The following ATL1 variants were observed in gnomAD, a reference collection of about 807,000 sequenced individuals.
The protein encoded by ATL1 is atlastin-1.
ATL1 carries 31 observed loss-of-function variants against 75.5 expected under a neutral mutation model. The ratio of observed to expected loss-of-function variants is 0.41; its 90% CI spans 0.31 to 0.55. ATL1 has a LOEUF of 0.55. ATL1 is among the 20% of genes least tolerant of loss of function. The pLI is 0.27. For missense variants in ATL1, 405 were observed against 662.6 expected (o/e 0.61, Z 4.27); for synonymous variants, 226 against 233.3 (o/e 0.97, Z 0.28).
At chr14:50,556,921 C>A (rs879761545), upstream of ATL1, among the ~76,000 whole-genome samples, 39 of 152,060 alleles carry the variant, frequency 2.6e-4, no homozygotes, top group Non-Finnish European at 5.1e-4. Context: ...TTGTTTCCAC[C>A]TTTTGGCTAT....
chr14:50,617,871 C>G (rs2039429684), intron 8 of ATL1, among the ~76,000 whole-genome samples: 1 of 152,184 alleles, frequency 6.6e-6, no homozygotes, highest in Non-Finnish European at 1.5e-5. Context: ...CAAGAGCTCA[C>G]CACCTACGTA....
chr14:50,552,266 C>CA (rs35523342), intron 1 of ATL1, among the ~76,000 whole-genome samples: 30,647 of 150,320 alleles, frequency 0.2, 3,844 homozygotes, highest in Middle Eastern at 0.29. Flanking sequence ...ACAACAGCTG[C>CA]AAAAAAAAAT....
In ATL1 at chr14:50,546,268, C is replaced by A. The variant is rs547520697; in HGVS notation, c.-140+12901C>A. 2.0e-3 allele frequency among the ~76,000 whole-genome samples: 302 copies of A among 152,270 alleles called. 2 individuals carry two copies. Among genetic ancestry groups the A allele is most frequent in the African/African-American group, 7.0e-3 (291 of 41,544 alleles). ...AAAGTTTAGCCATATGAAGGGGTCC[C>A]AATTTTGTCAAAAATGATATGGATC... On this transcript the variant is annotated intron_variant, in intron 1 of 13. Transcript: ENST00000441560.
At chr14:50,556,464 C>CA (rs1431438629), upstream of ATL1, among the ~76,000 whole-genome samples, 1 of 152,146 alleles carries the variant, frequency 6.6e-6, no homozygotes, top group Admixed American at 6.5e-5. Context: ...GTGATCCTCC[C>CA]ACCTCAGCTT....
chr14:50,574,937 GTATATATATATATATATATATA>G (rs71118894), intron 1 of ATL1, among the ~76,000 whole-genome samples: 2 of 23,156 alleles, frequency 8.6e-5, no homozygotes, highest in South Asian at 1.6e-3. Context: ...GTGTGTGTGT[GTATATATATATATATATATATA>G]TATATATATA....
chr14:50,611,204 C>T (rs1448192925), intron 6 of ATL1, among the ~76,000 whole-genome samples: 1 of 152,030 alleles, frequency 6.6e-6, no homozygotes, highest in Non-Finnish European at 1.5e-5. Context: ...TTCTGAAATC[C>T]ACCTACACCG....
intron 1 of ATL1, among the ~76,000 whole-genome samples, chr14:50,574,872 T>C (rs910748132): frequency 2.0e-5 from 3 of 148,336 alleles, no homozygotes; most frequent in Non-Finnish European, 3.0e-5. Context: ...AAAAGGTATG[T>C]GTATTTTTAA....
chr14:50,540,783 ATAGG>A (rs1191572615), intron 1 of ATL1, among the ~76,000 whole-genome samples: 1 of 152,204 alleles, frequency 6.6e-6, no homozygotes, highest in African/African-American at 2.4e-5. Flanking sequence ...AGCTATTATG[ATAGG>A]TAGGAACAAG....
intron 1 of ATL1, among the ~76,000 whole-genome samples, chr14:50,566,165 T>G (rs2038901905): frequency 6.6e-6 from 1 of 152,076 alleles, no homozygotes; most frequent in Non-Finnish European, 1.5e-5. Context: ...ACCCAGCTAA[T>G]TTTTGTATTT....
At chr14:50,579,136 G>A (rs547997852) in intron 1 of ATL1, among the ~76,000 whole-genome samples, 10 of 152,268 alleles carry the variant, frequency 6.6e-5, no homozygotes, top group African/African-American at 2.4e-4. Context: ...TCCACCAGGT[G>A]TAGGTCTGTG....
chr14:50,629,754 A>C (rs1366222800), intron 12 of ATL1, among the ~76,000 whole-genome samples: 1 of 152,188 alleles, frequency 6.6e-6, no homozygotes, highest in Admixed American at 6.5e-5. Flanking sequence ...AAAAGATTTA[A>C]GAGGGGTTGA....
At chr14:50,584,125 A>C (rs1365620131) in intron 1 of ATL1, among the ~76,000 whole-genome samples, 2 of 152,234 alleles carry the variant, frequency 1.3e-5, no homozygotes, top group Non-Finnish European at 2.9e-5. Context: ...CTGTAATGCC[A>C]GCACTTTGGG....
At chr14:50,551,684 G>C (rs2038704865) in intron 1 of ATL1, among the ~76,000 whole-genome samples, 1 of 152,094 alleles carries the variant, frequency 6.6e-6, no homozygotes. Flanking sequence ...ACATGATGAA[G>C]TGGATTTCAT....
rs564345741 is a variant in ATL1, at chr14:50,632,448, A to G, written c.*109A>G. On this transcript the variant is annotated 3_prime_UTR_variant, in exon 14 of 14. Transcript: ENST00000358385. ...TTCCATCAGAACGGAGTAAAATACT[A>G]AACACCTCTGAAGACTGCAAACTGG... is the stretch of plus-strand genomic sequence containing the variant. 10 of 779,586 alleles carry G rather than the reference A, an allele frequency of 1.3e-5. No homozygotes were observed. The South Asian group carries it at 1.3e-4, about 10-fold the overall frequency. 48.3% of individuals were successfully genotyped at this position (779,586 alleles called of 1,614,324 possible).
intron 12 of ATL1, 100 bp from the exon 13 acceptor site, chr14:50,629,892 GAAA>G: frequency 1.5e-5 from 13 of 867,526 alleles, no homozygotes; most frequent in Non-Finnish European, 2.1e-5. Flanking sequence ...TATCTGTTCT[GAAA>G]TGCTCACAAA....
intron 1 of ATL1, among the ~76,000 whole-genome samples, chr14:50,541,766 A>G (rs1299402335): frequency 6.6e-6 from 1 of 152,014 alleles, no homozygotes; most frequent in African/African-American, 2.4e-5. Flanking sequence ...CACGCCTGTA[A>G]TCCCAGCATT....
intron 1 of ATL1, among the ~76,000 whole-genome samples, chr14:50,539,676 C>T (rs924235289): frequency 6.6e-6 from 1 of 152,130 alleles, no homozygotes; most frequent in Non-Finnish European, 1.5e-5. Context: ...TTCAGTATAG[C>T]CCTAATGGGG....
At chr14:50,599,532 GTAA>G (rs1474115073) in intron 6 of ATL1, among the ~76,000 whole-genome samples, 1 of 152,098 alleles carries the variant, frequency 6.6e-6, no homozygotes, top group Admixed American at 6.6e-5. Flanking sequence ...TATTGATAGA[GTAA>G]TAGTAGCAGG....
Position 50,560,725 on chromosome 14 carries a change from A to AC in ATL1, c.34+432dup, listed in dbSNP as rs573424305. On this transcript the variant is annotated intron_variant, in intron 1 of 13. Transcript: ENST00000358385. The stretch of plus-strand genomic sequence containing the variant: ...GGGATCTAGAGCAGGCCAAGCCCCA[A>AC]CCCCCCTCCCCGGGAGCCGCCAACT... Among the ~76,000 whole-genome samples, 42 of 151,742 alleles carry AC rather than the reference A, an allele frequency of 2.8e-4. 1 individual carries two copies. The East Asian group carries it at 7.0e-3, about 25-fold the overall frequency.
Sources: gnomAD v4.1 joint callset for allele counts (sites outside exome capture counted in the v4.1 genomes callset) on GRCh38, gnomAD v4.1.1 for gene constraint, MANE v1.5 for transcripts, NCBI Gene and HGNC (gene_info 2026-07-23, HGNC 2026-07-21) for gene names.